CHRM3: variants seen among roughly 807,000 people sequenced by gnomAD.
CHRM3 encodes muscarinic acetylcholine receptor M3.
CHRM3 carries 11 observed loss-of-function variants against 41.8 expected under a neutral mutation model. The ratio of observed to expected loss-of-function variants is 0.26; its 90% CI spans 0.17 to 0.44. The LOEUF (loss-of-function observed/expected upper bound fraction) is 0.44, where lower values mean the gene tolerates loss of function less well. Ranked by LOEUF, CHRM3 falls within the 20% of genes least tolerant of loss-of-function variation. The pLI, the probability that CHRM3 is intolerant of heterozygous loss-of-function variation, is 1.00. For missense variants in CHRM3, 571 were observed against 745.4 expected (o/e 0.77, Z 2.72); for synonymous variants, 297 against 301.4 (o/e 0.99, Z 0.15).
At chr1:239,500,765 A>G (rs1252349157) in intron 2 of CHRM3, among the ~76,000 whole-genome samples, 2 of 152,220 alleles carry the variant, frequency 1.3e-5, no homozygotes, top group Non-Finnish European at 2.9e-5. Context: ...GACGAATGCA[A>G]CAGTACATCA....
At chr1:239,449,424 C>T (rs1664398869) in intron 1 of CHRM3, among the ~76,000 whole-genome samples, 1 of 152,082 alleles carries the variant, frequency 6.6e-6, no homozygotes, top group Non-Finnish European at 1.5e-5. Flanking sequence ...ATCCAACACA[C>T]ATTAAACTTG....
chr1:239,614,284 C>T (rs773190099), intron 3 of CHRM3, among the ~76,000 whole-genome samples: 2 of 152,100 alleles, frequency 1.3e-5, no homozygotes, highest in Middle Eastern at 3.2e-3. Context: ...TCCTAGAGAC[C>T]AAGTTTTGTG....
At chr1:239,393,729 A>G (rs187577224) in intron 1 of CHRM3, among the ~76,000 whole-genome samples, 2 of 152,262 alleles carry the variant, frequency 1.3e-5, no homozygotes, top group East Asian at 3.9e-4. Flanking sequence ...AACAACTACA[A>G]ATCACTTCCC....
chr1:239,823,864 G>A (rs904504587), intron 5 of CHRM3, among the ~76,000 whole-genome samples: 2 of 152,096 alleles, frequency 1.3e-5, no homozygotes, highest in African/African-American at 4.8e-5. Context: ...TAGAATGTCA[G>A]ATGATGCTAA....
chr1:239,757,882 G>A lies in CHRM3; in HGVS notation c.-146-69370G>A, dbSNP rs1283082841. ...AATGAAGCAGCAGTGGCTTAAGCACGTAATCCTGGTGGTATGAAGATGTTT... is the reference window on the plus strand; with the variant it reads ...AATGAAGCAGCAGTGGCTTAAGCACATAATCCTGGTGGTATGAAGATGTTT... On this transcript the variant is annotated intron_variant, in intron 5 of 6. Transcript: ENST00000676153. 3.9e-5 allele frequency among the ~76,000 whole-genome samples: 6 copies of A among 152,260 alleles called. No homozygotes were observed. The South Asian group carries it at 1.2e-3, about 32-fold the overall frequency.
intron 1 of CHRM3, among the ~76,000 whole-genome samples, chr1:239,433,488 GGGGAA>G (rs1662988783): frequency 6.6e-6 from 1 of 151,948 alleles, no homozygotes; most frequent in Non-Finnish European, 1.5e-5. Context: ...ATAGGTTTTT[GGGGAA>G]CAGGTGGTGT....
In CHRM3 at chr1:239,913,968, G is replaced by A. The variant is rs953810788; in HGVS notation, c.*4744G>A. 3 of 166,850 alleles carry A rather than the reference G, an allele frequency of 1.8e-5. No individual in the cohort carries two copies. Among genetic ancestry groups the A allele is most frequent in the African/African-American group, 4.8e-5 (2 of 41,406 alleles). The allele number at this position is 166,850 out of a possible 1,614,324, so 10.3% of individuals were successfully genotyped here. A position where few individuals can be genotyped will look rare whatever the true frequency, so the allele number is the denominator to read the frequency against. On this transcript the variant is annotated 3_prime_UTR_variant, in exon 7 of 7. Coordinates refer to ENST00000676153, the MANE Select transcript of CHRM3 (RefSeq NM_001375978.1). ...ACCCTACCACTCTGGTCTGGGCTGAGACCACCCCAAAAAATCATCTAGAGA... is the reference window on the plus strand; with the variant it reads ...ACCCTACCACTCTGGTCTGGGCTGAAACCACCCCAAAAAATCATCTAGAGA...
chr1:239,653,009 G>A (rs1334158126), intron 4 of CHRM3, among the ~76,000 whole-genome samples: 1 of 152,098 alleles, frequency 6.6e-6, no homozygotes, highest in African/African-American at 2.4e-5. Flanking sequence ...GCCATCCCCT[G>A]GCCCTTGGAC....
In CHRM3 at chr1:239,435,210, G is replaced by A. The variant is rs574647146; in HGVS notation, c.-521+47983G>A. Among the ~76,000 whole-genome samples, 20 of 150,750 alleles carry A rather than the reference G, an allele frequency of 1.3e-4. No homozygotes were observed. The East Asian group carries it at 3.9e-3, about 30-fold the overall frequency. On this transcript the variant is annotated intron_variant, in intron 1 of 6. Transcript: ENST00000676153. ...CTCACGCCTGTAATCCCAGCACTTC[G>A]GGAGGCCAAGGCGGGCGGATCACGA... is the stretch of plus-strand genomic sequence containing the variant.
chr1:239,482,889 C>T (rs764837113), intron 1 of CHRM3, among the ~76,000 whole-genome samples: 7 of 152,134 alleles, frequency 4.6e-5, no homozygotes, highest in African/African-American at 7.2e-5. Context: ...CTAAATGCCT[C>T]GGAAATTTTG....
chr1:239,607,009 T>G (rs1666394226), intron 3 of CHRM3, among the ~76,000 whole-genome samples: 1 of 152,198 alleles, frequency 6.6e-6, no homozygotes, highest in Non-Finnish European at 1.5e-5. Flanking sequence ...GCCCTCTTAC[T>G]GCTGAGGTTT....
chr1:239,818,343 A>G (rs6429157), intron 5 of CHRM3, among the ~76,000 whole-genome samples: 77,656 of 152,046 alleles, frequency 0.51, 20,621 homozygotes, highest in African/African-American at 0.66. Flanking sequence ...TGGCCACATG[A>G]GGGATTAGGT....
chr1:239,768,927 A>T (rs1558104458), intron 5 of CHRM3, among the ~76,000 whole-genome samples: 2 of 151,966 alleles, frequency 1.3e-5, no homozygotes, highest in African/African-American at 2.4e-5. Context: ...ACCATGCCCA[A>T]CTAATTTTTG....
At chr1:239,707,403 T>A (rs1428610441) in intron 5 of CHRM3, 1 of 152,182 alleles carries the variant, frequency 6.6e-6, no homozygotes, top group African/African-American at 2.4e-5. Context: ...GGGCCCGTGA[T>A]AATTCTCAGC....
chr1:239,605,580 A>C (rs1450238749), intron 3 of CHRM3, among the ~76,000 whole-genome samples: 1 of 151,852 alleles, frequency 6.6e-6, no homozygotes, highest in African/African-American at 2.4e-5. Flanking sequence ...TTTTGTTTTA[A>C]GGAGAATGTG....
At chr1:239,826,905 T>G (rs1451444103) in intron 5 of CHRM3, 2 of 152,176 alleles carry the variant, frequency 1.3e-5, no homozygotes, top group South Asian at 2.1e-4. Context: ...CTCACAAGTC[T>G]TATTGGCAAT....
intron 3 of CHRM3, among the ~76,000 whole-genome samples, chr1:239,574,937 T>G (rs1662188637): frequency 6.6e-6 from 1 of 152,158 alleles, no homozygotes; most frequent in Non-Finnish European, 1.5e-5. Context: ...TTATTTTGAA[T>G]GGAGGTAACA....
intron 5 of CHRM3, among the ~76,000 whole-genome samples, chr1:239,788,030 G>C (rs979777133): frequency 2.0e-5 from 3 of 152,104 alleles, no homozygotes; most frequent in Non-Finnish European, 2.9e-5. Context: ...TTGAGGCTCG[G>C]AAAAGACTAG....
intron 1 of CHRM3, among the ~76,000 whole-genome samples, chr1:239,438,099 T>C (rs1307057720): frequency 6.6e-6 from 1 of 152,208 alleles, no homozygotes; most frequent in East Asian, 1.9e-4. Flanking sequence ...CTTTCAGCCA[T>C]AACCATATGA....
Sources: gnomAD v4.1 joint callset for allele counts (sites outside exome capture counted in the v4.1 genomes callset) on GRCh38, gnomAD v4.1.1 for gene constraint, MANE v1.5 for transcripts, NCBI Gene and HGNC (gene_info 2026-07-23, HGNC 2026-07-21) for gene names.